The following GUCY2C variants were observed in gnomAD, a reference collection of about 807,000 sequenced individuals.
GUCY2C encodes the protein guanylate cyclase 2C, also known as guanylyl cyclase C.
In GUCY2C, 118 loss-of-function variants were observed where a neutral mutation model predicts 131.1. The ratio of observed to expected loss-of-function variants is 0.90; its 90% CI spans 0.78 to 1.05. GUCY2C has a LOEUF of 1.05. Among genes scored for constraint, GUCY2C ranks in the 50% least tolerant of loss-of-function variants. The probability of loss-of-function intolerance (pLI) is 0.00; values close to 1 mark genes in which losing one functional copy is unlikely to be tolerated. For synonymous variants in GUCY2C, 452 were observed against 457.8 expected, an observed-to-expected ratio of 0.99 and a Z score of 0.16; for missense variants, 1,161 against 1,304.4, an observed-to-expected ratio of 0.89 and a Z score of 1.69.
At chr12:14,681,263 T>C in intron 5 of GUCY2C, 93 bp downstream of exon 5, 3 of 1,060,832 alleles carry the variant, frequency 2.8e-6, no homozygotes, top group Non-Finnish European at 4.3e-6. Context: ...GGATGATAGC[T>C]CTGCAGTGGA....
chr12:14,690,170 C>T (rs116811353), intron 1 of GUCY2C, among the ~76,000 whole-genome samples: 2,543 of 152,312 alleles, frequency 0.017, 90 homozygotes, highest in African/African-American at 0.058. Flanking sequence ...CTGACTCACA[C>T]ATTTCTCCTC....
At chr12:14,645,957 T>A (rs1463546516) in intron 15 of GUCY2C, among the ~76,000 whole-genome samples, 1 of 152,074 alleles carries the variant, frequency 6.6e-6, no homozygotes, top group Non-Finnish European at 1.5e-5. Context: ...TGCCTCAGCC[T>A]GCTGAGTAGC....
At chr12:14,640,484 G>T (rs1947375295) in intron 18 of GUCY2C, among the ~76,000 whole-genome samples, 1 of 146,970 alleles carries the variant, frequency 6.8e-6, no homozygotes, top group African/African-American at 2.5e-5. Flanking sequence ...AAAAAAGAAA[G>T]AAAAGAAAAG....
intron 7 of GUCY2C, among the ~76,000 whole-genome samples, chr12:14,675,133 C>T (rs1374831470): frequency 2.0e-5 from 3 of 149,656 alleles, no homozygotes; most frequent in African/African-American, 4.9e-5. Context: ...ATCACTTGAA[C>T]CCAGGAGGTG....
At chr12:14,663,470 G>T (rs10846034) in intron 10 of GUCY2C, among the ~76,000 whole-genome samples, 5,509 of 152,078 alleles carry the variant, frequency 0.036, 316 homozygotes, top group African/African-American at 0.12. Context: ...TTTAGTAGAG[G>T]TGGGGTTTCA....
At position 14,683,103 on chromosome 12, in the gene GUCY2C, T is replaced by A; in HGVS notation, c.550A>T (p.Thr184Ser). ...ACATACGAAGTGCTCCAGGAATAAG[T>A]TTTGAAGGGCAGATCGTTGGTTTTC... ...FWKTNDLPFK[T>S]YSWSTSYVYK... The change falls in exon 4 of 27, where the codon ACT (threonine) becomes TCT (serine). Residue 184 changes from threonine (T) to serine (S), a missense_variant. Physicochemically the swap from Thr to Ser is moderately conservative, Grantham distance 58. Coordinates refer to ENST00000261170, the MANE Select transcript of GUCY2C (RefSeq NM_004963.4). 2 of 1,613,780 alleles carry A rather than the reference T, an allele frequency of 1.2e-6. No individual in the cohort carries two copies. Among genetic ancestry groups the A allele is most frequent in the Non-Finnish European group, 1.7e-6 (2 of 1,179,732 alleles).
chr12:14,679,785 A>G (rs903160863), intron 5 of GUCY2C, 32 bp from the exon 6 acceptor site: 7 of 1,092,870 alleles, frequency 6.4e-6, no homozygotes, highest in Admixed American at 3.4e-5. Context: ...GGAGAGAAAT[A>G]TATGACAGTC....
At chr12:14,622,579 G>A (rs914916696) in intron 21 of GUCY2C, among the ~76,000 whole-genome samples, 3 of 152,196 alleles carry the variant, frequency 2.0e-5, no homozygotes, top group African/African-American at 7.2e-5. Context: ...AGAAGCTGAG[G>A]AGAGTGTGGT....
intron 6 of GUCY2C, 31 bp downstream of exon 6, chr12:14,679,626 G>T: frequency 9.7e-7 from 1 of 1,031,546 alleles, no homozygotes; most frequent in South Asian, 1.3e-5. Context: ...CTTTTTGAAA[G>T]GAGGAGGGTT....
Position 14,656,533 on chromosome 12 carries a change from C to T in GUCY2C, c.1449G>A (p.Glu483=). 1 of 1,584,718 alleles carries T rather than the reference C, an allele frequency of 6.3e-7. No individual in the cohort carries two copies. The highest frequency in any genetic ancestry group is 8.7e-7 in the Non-Finnish European group (1 of 1,153,448). ...PENIFPLETN[E]TNHVSLKIDD... Reference sequence around the variant, plus strand: ...TTACCTTGAGGCTAACATGATTGGTCTCATTGGTCTCCAGAGGAAAGATAT... The same window carrying T: ...TTACCTTGAGGCTAACATGATTGGTTTCATTGGTCTCCAGAGGAAAGATAT... Residue 483 remains glutamate, a synonymous_variant, in exon 12 of 27, where the codon GAG becomes GAA. Coordinates refer to ENST00000261170, the MANE Select transcript of GUCY2C (RefSeq NM_004963.4).
intron 1 of GUCY2C, among the ~76,000 whole-genome samples, chr12:14,691,167 CTTT>C (rs927346590): frequency 6.6e-6 from 1 of 152,114 alleles, no homozygotes; most frequent in Admixed American, 6.5e-5. Context: ...ACCAACTTTG[CTTT>C]TTTAAGTTCG....
intron 25 of GUCY2C, among the ~76,000 whole-genome samples, chr12:14,616,150 T>C (rs11056060): frequency 1.5e-3 from 224 of 152,222 alleles, no homozygotes; most frequent in South Asian, 4.6e-3. Context: ...ATCTGCATTT[T>C]AACAAGCTTC....
At chr12:14,647,650 C>T (rs1947548940) in intron 15 of GUCY2C, among the ~76,000 whole-genome samples, 1 of 152,096 alleles carries the variant, frequency 6.6e-6, no homozygotes, top group Non-Finnish European at 1.5e-5. Flanking sequence ...TATCTAAGAA[C>T]TTGACTAAGT....
chr12:14,677,376 A>C (rs1310325378), intron 6 of GUCY2C, among the ~76,000 whole-genome samples: 1 of 152,150 alleles, frequency 6.6e-6, no homozygotes, highest in Non-Finnish European at 1.5e-5. Context: ...TATGTTTTAG[A>C]TGGTGAAACA....
intron 10 of GUCY2C, 30 bp downstream of exon 10, chr12:14,669,692 G>T: frequency 9.3e-7 from 1 of 1,079,408 alleles, no homozygotes; most frequent in Non-Finnish European, 1.4e-6. Context: ...AACAGTGTCA[G>T]GGAGAGAAAA....
At chr12:14,628,406 A>C (rs1053449615) in intron 20 of GUCY2C, among the ~76,000 whole-genome samples, 1 of 152,154 alleles carries the variant, frequency 6.6e-6, no homozygotes, top group Non-Finnish European at 1.5e-5. Context: ...TAATCAGCTA[A>C]AGTTTGTTTT....
At position 14,621,038 on chromosome 12, in the gene GUCY2C, A is replaced by G. The variant is rs1345886548; in HGVS notation, c.2776+4T>C. On this transcript the variant is annotated splice_donor_region_variant and intron_variant, in intron 23 of 26. Transcript: ENST00000261170. ...CCAATTTGCTAAGATGCTCAACTCCATACCAGAGTGAACTCCAATGCGAAT... is the reference window on the plus strand; with the variant it reads ...CCAATTTGCTAAGATGCTCAACTCCGTACCAGAGTGAACTCCAATGCGAAT... 2.5e-6 allele frequency: 4 copies of G among 1,613,022 alleles called. No individual in the cohort carries two copies. In the African/African-American group the frequency reaches 4.0e-5, roughly 16 times the overall value.
chr12:14,663,135 A>G (rs1171124570), intron 10 of GUCY2C, among the ~76,000 whole-genome samples: 2 of 152,264 alleles, frequency 1.3e-5, no homozygotes, highest in Non-Finnish European at 2.9e-5. Context: ...CTTATAAATC[A>G]AGAAATAGAA....
At chr12:14,617,356 G>A (rs1221680036) in intron 24 of GUCY2C, among the ~76,000 whole-genome samples, 1 of 152,148 alleles carries the variant, frequency 6.6e-6, no homozygotes, top group African/African-American at 2.4e-5. Flanking sequence ...TCAGGGCCCT[G>A]CGTGATGTGA....
Sources: gnomAD v4.1 joint callset for allele counts (sites outside exome capture counted in the v4.1 genomes callset) on GRCh38, gnomAD v4.1.1 for gene constraint, MANE v1.5 for transcripts, NCBI Gene and HGNC (gene_info 2026-07-23, HGNC 2026-07-21) for gene names.